Variants in LMO1 observed in about 807,000 individuals in gnomAD.
The protein encoded by LMO1 is rhombotin-1.
LMO1 carries 10 observed loss-of-function variants against 18.0 expected under a neutral mutation model. The ratio of observed to expected loss-of-function variants is 0.55; its 90% CI spans 0.34 to 0.94. LMO1 has a LOEUF of 0.94. Among genes scored for constraint, LMO1 ranks in the 40% least tolerant of loss-of-function variants. LMO1 has a pLI of 0.02. For missense variants in LMO1, 183 were observed against 205.7 expected (o/e 0.89, Z 0.68); for synonymous variants, 77 against 77.9 (o/e 0.99, Z 0.06).
At chr11:8,238,678 A>T (rs1034497619) in intron 1 of LMO1, among the ~76,000 whole-genome samples, 4 of 151,116 alleles carry the variant, frequency 2.6e-5, no homozygotes, top group African/African-American at 9.7e-5. Context: ...CTCAAAAAAA[A>T]AAAAAAAAAA....
intron 1 of LMO1, among the ~76,000 whole-genome samples, chr11:8,238,617 G>GCCAA (rs369390996): frequency 0.012 from 1,714 of 140,454 alleles, 33 homozygotes; most frequent in African/African-American, 0.042. Flanking sequence ...GTTGCAGTGA[G>GCCAA]CCAAGATCGC....
chr11:8,227,117 G>T lies in LMO1; in HGVS notation c.240-17C>A, dbSNP rs200102605. 1.2e-6 allele frequency: 2 copies of T among 1,606,928 alleles called. No homozygotes were observed. The highest frequency in any genetic ancestry group is 2.2e-5 in the South Asian group (2 of 90,762). On this transcript the variant is annotated splice_polypyrimidine_tract_variant and intron_variant, in intron 2 of 3. Coordinates refer to ENST00000335790, the MANE Select transcript of LMO1 (RefSeq NM_002315.3). The stretch of plus-strand genomic sequence containing the variant: ...CCAAAGAGCCTGCCGAGGGAAGGGC[G>T]CAGAGGACTCAGCAGCATTCTGGGA...
intron 1 of LMO1, among the ~76,000 whole-genome samples, chr11:8,250,090 T>C (rs943315323): frequency 1.2e-4 from 19 of 152,194 alleles, no homozygotes; most frequent in African/African-American, 4.6e-4. Context: ...GGATCAATTA[T>C]TTTTAAATTG....
chr11:8,226,262 A>G (rs1952539260), intron 3 of LMO1, among the ~76,000 whole-genome samples: 1 of 152,184 alleles, frequency 6.6e-6, no homozygotes, highest in South Asian at 2.1e-4. Context: ...TGGGAGGCTG[A>G]GGTGGGCAGA....
intron 3 of LMO1, 88 bp downstream of exon 3, chr11:8,226,887 G>A (rs1159551846): frequency 8.1e-6 from 12 of 1,488,272 alleles, no homozygotes; most frequent in Admixed American, 4.4e-5. Flanking sequence ...GCATTTGCGT[G>A]CACGCCTCCG....
At chr11:8,260,891 T>C (rs184751919) in intron 1 of LMO1, among the ~76,000 whole-genome samples, 14 of 150,532 alleles carry the variant, frequency 9.3e-5, no homozygotes, top group Non-Finnish European at 1.6e-4. Context: ...AGCCGGGGGG[T>C]GGGGGAATGC....
intron 1 of LMO1, among the ~76,000 whole-genome samples, chr11:8,255,233 G>A (rs7107078): frequency 0.66 from 100,005 of 152,022 alleles, 34,746 homozygotes; most frequent in Non-Finnish European, 0.78. Flanking sequence ...GTGGTGGTGC[G>A]CAGTGGCACA....
At chr11:8,230,600 C>A in intron 1 of LMO1, 96 bp from the exon 2 acceptor site, 1 of 1,278,632 alleles carries the variant, frequency 7.8e-7, no homozygotes, top group Non-Finnish European at 1.1e-6. Context: ...CTGCTTCTCT[C>A]TGCTGCCCCC....
intron 1 of LMO1, among the ~76,000 whole-genome samples, chr11:8,254,094 T>C (rs1847049875): frequency 6.6e-6 from 1 of 151,924 alleles, no homozygotes; most frequent in East Asian, 1.9e-4. Context: ...GAGAGGAAAA[T>C]TATACTGTGA....
At chr11:8,242,609 C>A (rs1354860024) in intron 1 of LMO1, among the ~76,000 whole-genome samples, 1 of 152,196 alleles carries the variant, frequency 6.6e-6, no homozygotes, top group East Asian at 1.9e-4. Context: ...AACGGGATGC[C>A]GCTTGAAGCT....
rs191617479 is a variant in LMO1 at position 8,232,513 on chromosome 11, C to G, written c.26-2009G>C. Among the ~76,000 whole-genome samples, 785 of 152,284 alleles carry G rather than the reference C, an allele frequency of 5.2e-3. 5 individuals carry two copies. The highest frequency in any genetic ancestry group is 0.018 in the African/African-American group (757 of 41,562). On this transcript the variant is annotated intron_variant, in intron 1 of 3. Coordinates refer to ENST00000335790, the MANE Select transcript of LMO1 (RefSeq NM_002315.3). ...GGGCCTCCCAGAGTGGGACCTGGACCAGGGTAGGGCTCCAAGGGCATGACC... is the reference window on the plus strand; with the variant it reads ...GGGCCTCCCAGAGTGGGACCTGGACGAGGGTAGGGCTCCAAGGGCATGACC...
Position 8,227,080 on chromosome 11 carries a change from T to C in LMO1, c.260A>G (p.Asn87Ser). ...GATCAGCTTGCTGCAAGCAGCACAG[T>C]TCCCTGTGGTGCCAAAGAGCCTGCC... ...DYLRLFGTTG[N>S]CAACSKLIPA... The change falls in exon 3 of 4, where the codon AAC (asparagine) becomes AGC (serine). Residue 87 changes from asparagine to serine, a missense_variant. Asn to Ser is a conservative substitution (Grantham distance 46, BLOSUM62 1). Coordinates refer to ENST00000335790, the MANE Select transcript of LMO1 (RefSeq NM_002315.3). 1.2e-6 allele frequency: 2 copies of C among 1,613,566 alleles called. No individual in the cohort carries two copies. The highest frequency in any genetic ancestry group is 2.2e-5 in the South Asian group (2 of 91,068).
intron 1 of LMO1, among the ~76,000 whole-genome samples, chr11:8,262,394 C>A (rs1197438212): frequency 6.6e-6 from 1 of 152,216 alleles, no homozygotes; most frequent in Non-Finnish European, 1.5e-5. Context: ...TCTCCTTACC[C>A]TGGGGACTCA....
chr11:8,225,699 C>CT (rs1027664859), intron 3 of LMO1, among the ~76,000 whole-genome samples: 23 of 152,244 alleles, frequency 1.5e-4, no homozygotes, highest in African/African-American at 5.3e-4. Context: ...TGGGTGAAGC[C>CT]TTTAGTGAGA....
At position 8,224,507 on chromosome 11, in the gene LMO1, G is replaced by A. The variant is rs1323903342; in HGVS notation, c.*109C>T. 1 of 675,448 alleles carries A rather than the reference G, an allele frequency of 1.5e-6. No homozygotes were observed. The highest frequency in any genetic ancestry group is 2.6e-6 in the Non-Finnish European group (1 of 379,414). 41.8% of individuals were successfully genotyped at this position (675,448 alleles called of 1,614,324 possible). ...TCGAGGACGGAGAAGTTCTAATGTG[G>A]CAGGAGAGCGGCTGGCCAGCCTGCA... On this transcript the variant is annotated 3_prime_UTR_variant, in exon 4 of 4. Transcript: ENST00000335790.
intron 1 of LMO1, among the ~76,000 whole-genome samples, chr11:8,262,387 C>T (rs531615157): frequency 6.6e-6 from 1 of 152,356 alleles, no homozygotes; most frequent in African/African-American, 2.4e-5. Flanking sequence ...CTGCCTCTCT[C>T]CTTACCCTGG....
chr11:8,249,694 C>A (rs906021000), intron 1 of LMO1, among the ~76,000 whole-genome samples: 2 of 152,208 alleles, frequency 1.3e-5, no homozygotes, highest in African/African-American at 4.8e-5. Flanking sequence ...ACCCTGACCA[C>A]CCTGCAGCCT....
chr11:8,256,906 A>G (rs150326853), intron 1 of LMO1, among the ~76,000 whole-genome samples: 39 of 152,322 alleles, frequency 2.6e-4, no homozygotes, highest in African/African-American at 9.4e-4. Context: ...GTTGGGTCAG[A>G]CTGGTTGTAA....
At chr11:8,253,347 A>G (rs1276499132) in intron 1 of LMO1, among the ~76,000 whole-genome samples, 1 of 152,192 alleles carries the variant, frequency 6.6e-6, no homozygotes, top group Non-Finnish European at 1.5e-5. Flanking sequence ...GAGAAATGGC[A>G]CCAGTCATCT....
Sources: gnomAD v4.1 joint callset for allele counts (sites outside exome capture counted in the v4.1 genomes callset) on GRCh38, gnomAD v4.1.1 for gene constraint, MANE v1.5 for transcripts, NCBI Gene and HGNC (gene_info 2026-07-23, HGNC 2026-07-21) for gene names.